Variants in CRYBB3 observed in about 807,000 individuals in gnomAD.
CRYBB3 encodes the protein beta-crystallin B3.
A neutral mutation model predicts 28.3 loss-of-function variants in CRYBB3; 35 were observed. The ratio of observed to expected loss-of-function variants is 1.24; its 90% CI spans 0.95 to 1.64. CRYBB3 has a LOEUF of 1.64. CRYBB3 is among the 40% of genes most tolerant of loss of function. The pLI is 0.00. For synonymous variants in CRYBB3, 106 were observed against 110.4 expected (o/e 0.96, Z 0.25); for missense variants, 296 against 297.4 (o/e 1.00, Z 0.04).
intron 2 of CRYBB3, among the ~76,000 whole-genome samples, chr22:25,201,886 A>G (rs1934954658): frequency 6.6e-6 from 1 of 152,122 alleles, no homozygotes; most frequent in South Asian, 2.1e-4. Flanking sequence ...TTGTGCCCAG[A>G]GTTGGTGTAA....
At chr22:25,203,181 A>C (rs1934977423) in intron 3 of CRYBB3, among the ~76,000 whole-genome samples, 1 of 152,184 alleles carries the variant, frequency 6.6e-6, no homozygotes, top group Non-Finnish European at 1.5e-5. Context: ...CTGAGGCCAA[A>C]GTTGGTAAGT....
chr22:25,207,104 C>A lies in CRYBB3; in HGVS notation c.528C>A (p.Gly176=), dbSNP rs769807038. The part of the protein sequence containing the change: ...YRGRQYVFER[G]EYRHWNEWDA... ...GGCGCCAGTACGTGTTTGAGCGGGGCGAGTACCGCCACTGGAATGAGTGGG... is the reference window on the plus strand; with the variant it reads ...GGCGCCAGTACGTGTTTGAGCGGGGAGAGTACCGCCACTGGAATGAGTGGG... Residue 176 remains glycine, a synonymous_variant, in exon 6 of 6, where the codon GGC becomes GGA. Transcript: ENST00000215855. 1.9e-6 allele frequency: 3 copies of A among 1,612,970 alleles called. No individual in the cohort carries two copies. The Admixed American group carries it at 5.0e-5, about 27-fold the overall frequency.
At chr22:25,202,402 G>A (rs937726342) in intron 2 of CRYBB3, among the ~76,000 whole-genome samples, 3 of 152,146 alleles carry the variant, frequency 2.0e-5, no homozygotes, top group Admixed American at 6.5e-5. Flanking sequence ...TTTCCCCACC[G>A]ACCTCTCGGG....
intron 3 of CRYBB3, 146 bp from the exon 4 acceptor site, chr22:25,203,614 CCTT>C: frequency 1.2e-6 from 1 of 847,934 alleles, no homozygotes; most frequent in Non-Finnish European, 1.9e-6. Flanking sequence ...CCTAGCAGCT[CCTT>C]TAATTACAGG....
chr22:25,202,286 A>AT (rs994672001), intron 2 of CRYBB3, among the ~76,000 whole-genome samples: 24 of 151,992 alleles, frequency 1.6e-4, no homozygotes, highest in African/African-American at 5.1e-4. Flanking sequence ...AGGTGTTTTC[A>AT]TTTTTTTAAG....
intron 4 of CRYBB3, 54 bp downstream of exon 4, chr22:25,203,949 G>A (rs2146074050): frequency 2.5e-6 from 4 of 1,612,032 alleles, no homozygotes; most frequent in Non-Finnish European, 3.4e-6. Context: ...GGTGCACTGA[G>A]AGCTGGTCAG....
intron 4 of CRYBB3, among the ~76,000 whole-genome samples, chr22:25,204,137 G>T (rs529648288): frequency 6.6e-5 from 10 of 152,262 alleles, no homozygotes; most frequent in African/African-American, 2.4e-4. Context: ...CATAGCACTG[G>T]GACTTTTCTT....
intron 4 of CRYBB3, 122 bp downstream of exon 4, chr22:25,204,017 G>A: frequency 8.4e-7 from 1 of 1,193,412 alleles, no homozygotes; most frequent in East Asian, 2.3e-5. Flanking sequence ...GGCCTGGGAA[G>A]GGCCCTCATG....
chr22:25,201,668 T>C (rs1308959286), intron 2 of CRYBB3, among the ~76,000 whole-genome samples, 197 bp downstream of exon 2: 2 of 152,150 alleles, frequency 1.3e-5, no homozygotes, highest in Admixed American at 1.3e-4. Context: ...GCATCTTCCC[T>C]CGTCTGCAAA....
Position 25,207,083 on chromosome 22 carries a change from C to T in CRYBB3, c.507C>T (p.Arg169=). 1.2e-6 allele frequency: 2 copies of T among 1,613,696 alleles called. No homozygotes were observed. Among genetic ancestry groups the T allele is most frequent in the Non-Finnish European group, 1.7e-6 (2 of 1,179,816 alleles). ...ATGAGTTCCCCGGCTACCGTGGGCGCCAGTACGTGTTTGAGCGGGGCGAGT... is the reference window on the plus strand; with the variant it reads ...ATGAGTTCCCCGGCTACCGTGGGCGTCAGTACGTGTTTGAGCGGGGCGAGT... ...VGYEFPGYRG[R]QYVFERGEYR... Residue 169 remains arginine (R), a synonymous_variant, in exon 6 of 6, where the codon CGC becomes CGT. Transcript: ENST00000215855.
intron 3 of CRYBB3, 131 bp downstream of exon 3, chr22:25,202,923 C>A: frequency 6.6e-7 from 1 of 1,504,132 alleles, no homozygotes; most frequent in Non-Finnish European, 8.9e-7. Context: ...TCGTTTTCCG[C>A]ATCTGTAAAA....
chr22:25,207,292 A>G lies in CRYBB3; in HGVS notation c.*80A>G. 7.8e-7 allele frequency: 1 copy of G among 1,282,866 alleles called. No individual in the cohort carries two copies. The highest frequency in any genetic ancestry group is 1.4e-5 in the South Asian group (1 of 72,828). The allele number at this position is 1,282,866 out of a possible 1,614,324, so 79.5% of individuals were successfully genotyped here. Reference sequence around the variant, plus strand: ...AAGAGGAGGCTCCAGGGTTGGGGCGAGGGCCGACCTGTCCACCCTTCCCTG... The same window carrying G: ...AAGAGGAGGCTCCAGGGTTGGGGCGGGGGCCGACCTGTCCACCCTTCCCTG... On this transcript the variant is annotated 3_prime_UTR_variant, in exon 6 of 6. Coordinates refer to ENST00000215855, the MANE Select transcript of CRYBB3 (RefSeq NM_004076.5).
chr22:25,202,538 G>T, intron 2 of CRYBB3, 136 bp from the exon 3 acceptor site: 1 of 1,553,706 alleles, frequency 6.4e-7, no homozygotes, highest in Non-Finnish European at 8.7e-7. Flanking sequence ...GGGCAGTGCA[G>T]GCCCACCTCA....
At chr22:25,204,709 C>G (rs377599507) in intron 4 of CRYBB3, among the ~76,000 whole-genome samples, 1 of 152,192 alleles carries the variant, frequency 6.6e-6, no homozygotes, top group Non-Finnish European at 1.5e-5. Flanking sequence ...TGAGCCACCA[C>G]GCCCGGCCCA....
At chr22:25,201,244 A>G in intron 1 of CRYBB3, 133 bp from the exon 2 acceptor site, 1 of 1,512,122 alleles carries the variant, frequency 6.6e-7, no homozygotes, top group Non-Finnish European at 8.9e-7. Flanking sequence ...TTGCTGAATG[A>G]CTGAATGTCG....
chr22:25,203,642 G>C, intron 3 of CRYBB3, 121 bp from the exon 4 acceptor site: 1 of 1,093,454 alleles, frequency 9.1e-7, no homozygotes, highest in South Asian at 1.3e-5. Context: ...GGAATTAGCA[G>C]TAGGGTTGGA....
At chr22:25,205,928 A>G (rs1569009705) in intron 5 of CRYBB3, among the ~76,000 whole-genome samples, 1 of 152,078 alleles carries the variant, frequency 6.6e-6, no homozygotes, top group Non-Finnish European at 1.5e-5. Flanking sequence ...GATTCTTGAA[A>G]TGTTCTTCCC....
In CRYBB3 at chr22:25,205,369, G is replaced by A; in HGVS notation, c.470+7G>A. Reference sequence around the variant, plus strand: ...TCCGTGCCATCAACGGGACGTAAGGGACCCAACCCTCACCCTTGCCCCATC... The same window carrying A: ...TCCGTGCCATCAACGGGACGTAAGGAACCCAACCCTCACCCTTGCCCCATC... On this transcript the variant is annotated splice_region_variant and intron_variant, in intron 5 of 5. Coordinates refer to ENST00000215855, the MANE Select transcript of CRYBB3 (RefSeq NM_004076.5). 1 of 1,613,924 alleles carries A rather than the reference G, an allele frequency of 6.2e-7. No homozygotes were observed. The highest frequency in any genetic ancestry group is 8.5e-7 in the Non-Finnish European group (1 of 1,179,912).
At position 25,202,682 on chromosome 22, in the gene CRYBB3, G is replaced by A. The variant is rs1478576668; in HGVS notation, c.84G>A (p.Leu28=). ...GGACTCTGCTCTTCTAGGTGATCTT[G>A]TACGAACTAGAGAACTTCCAAGGCA... ...GDLGGSYKVI[L]YELENFQGKR... The change falls in exon 3 of 6, where the codon TTG becomes TTA. Residue 28 remains leucine (L), a synonymous_variant. Coordinates refer to ENST00000215855, the MANE Select transcript of CRYBB3 (RefSeq NM_004076.5). The A allele has an allele frequency of 6.2e-7, 1 of 1,613,954 alleles. No individual in the cohort carries two copies. Among genetic ancestry groups the A allele is most frequent in the African/African-American group, 1.3e-5 (1 of 75,052 alleles).
Sources: gnomAD v4.1 joint callset for allele counts (sites outside exome capture counted in the v4.1 genomes callset) on GRCh38, gnomAD v4.1.1 for gene constraint, MANE v1.5 for transcripts, NCBI Gene and HGNC (gene_info 2026-07-23, HGNC 2026-07-21) for gene names.